Variants in METTL9 observed in about 807,000 individuals in gnomAD.
The protein encoded by METTL9 is methyltransferase 9, His-X-His N1(pi)-histidine.
In METTL9, 10 loss-of-function variants were observed where a neutral mutation model predicts 36.0. The ratio of observed to expected loss-of-function variants is 0.28; its 90% confidence interval spans 0.17 to 0.47. METTL9 has a LOEUF of 0.47. Ranked by LOEUF, METTL9 falls within the 20% of genes least tolerant of loss-of-function variation. The pLI is 0.99. For missense variants in METTL9, 246 were observed against 383.5 expected (o/e 0.64, Z 3.00); for synonymous variants, 175 against 149.7 (o/e 1.17, Z -1.23).
intron 4 of METTL9, chr16:21,641,710 T>C (rs1966275030): frequency 1.9e-6 from 1 of 530,392 alleles, no homozygotes; most frequent in African/African-American, 2.0e-5. Flanking sequence ...AGTGTCCATA[T>C]GGTAATCTTA....
chr16:21,604,176 G>A (rs1267575891), intron 1 of METTL9, among the ~76,000 whole-genome samples: 1 of 152,168 alleles, frequency 6.6e-6, no homozygotes, highest in Non-Finnish European at 1.5e-5. Context: ...TCGAGAGTCT[G>A]GAGGCCTTTG....
At chr16:21,628,012 G>T (rs1463143587) in intron 4 of METTL9, among the ~76,000 whole-genome samples, 1 of 152,042 alleles carries the variant, frequency 6.6e-6, no homozygotes, top group East Asian at 1.9e-4. Flanking sequence ...TCTTGTTCAG[G>T]TTTCTTGAAT....
At chr16:21,652,480 A>G in intron 4 of METTL9, 1 of 1,412,460 alleles carries the variant, frequency 7.1e-7, no homozygotes, top group Admixed American at 1.8e-5. Flanking sequence ...ATTAGGTGAA[A>G]AATAGCAGTT....
At chr16:21,625,230 TTAAAG>T (rs1316609547) in intron 4 of METTL9, 115 bp downstream of exon 4, 1 of 1,163,444 alleles carries the variant, frequency 8.6e-7, no homozygotes, top group South Asian at 1.3e-5. Context: ...AGCCTGCAGT[TTAAAG>T]TAATCCAGTT....
intron 4 of METTL9, among the ~76,000 whole-genome samples, chr16:21,648,073 A>G (rs906331659): frequency 2.0e-5 from 3 of 152,158 alleles, no homozygotes; most frequent in African/African-American, 7.2e-5. Context: ...AAAAGGCAAC[A>G]TGTACACCTG....
chr16:21,633,502 G>C (rs141820144), intron 4 of METTL9, among the ~76,000 whole-genome samples: 1 of 152,206 alleles, frequency 6.6e-6, no homozygotes, highest in African/African-American at 2.4e-5. Context: ...TGTGTGGTCT[G>C]TGGGATCCTC....
chr16:21,653,744 G>A (rs1407348610), intron 4 of METTL9: 1 of 152,460 alleles, frequency 6.6e-6, no homozygotes, highest in East Asian at 1.9e-4. Flanking sequence ...AGAAGGAGAA[G>A]CTCACATCCC....
chr16:21,618,749 T>C (rs1166673031), intron 3 of METTL9, among the ~76,000 whole-genome samples: 7 of 152,108 alleles, frequency 4.6e-5, no homozygotes, highest in Admixed American at 4.6e-4. Flanking sequence ...AGTCTTGCTC[T>C]GTCACCCAGG....
intron 4 of METTL9, chr16:21,640,225 A>G (rs570669467): frequency 6.6e-6 from 1 of 151,746 alleles, no homozygotes; most frequent in Non-Finnish European, 1.5e-5. Flanking sequence ...GGCGTGAGCC[A>G]CCACACCCGG....
intron 3 of METTL9, among the ~76,000 whole-genome samples, chr16:21,621,221 C>T (rs1019746086): frequency 1.3e-4 from 19 of 151,886 alleles, no homozygotes; most frequent in Non-Finnish European, 2.6e-4. Context: ...TTATGTTGAC[C>T]AGGCCAGTCT....
At chr16:21,609,661 G>GA (rs1965381416) in intron 1 of METTL9, among the ~76,000 whole-genome samples, 1 of 152,026 alleles carries the variant, frequency 6.6e-6, no homozygotes, top group South Asian at 2.1e-4. Flanking sequence ...GGGCCTTCCA[G>GA]AAAAAAGAAG....
At chr16:21,650,274 A>G (rs1966533384) in intron 4 of METTL9, among the ~76,000 whole-genome samples, 1 of 152,330 alleles carries the variant, frequency 6.6e-6, no homozygotes, top group African/African-American at 2.4e-5. Flanking sequence ...TGGGATGCCG[A>G]GGCGGGCAGA....
chr16:21,619,080 T>C (rs1357241952), intron 3 of METTL9, among the ~76,000 whole-genome samples: 1 of 152,156 alleles, frequency 6.6e-6, no homozygotes, highest in Non-Finnish European at 1.5e-5. Context: ...CAGTAGATAT[T>C]TGGGTTGTTT....
chr16:21,621,683 T>C (rs1264105331), intron 3 of METTL9, among the ~76,000 whole-genome samples: 1 of 152,146 alleles, frequency 6.6e-6, no homozygotes, highest in Non-Finnish European at 1.5e-5. Flanking sequence ...GGTTTTTCCT[T>C]TGTATTCGCA....
In METTL9 at chr16:21,655,249, A is replaced by G. The variant is rs745511100; in HGVS notation, c.774A>G (p.Pro258=). Residue 258 remains proline (P), a synonymous_variant, in exon 5 of 5, where the codon CCA becomes CCG. Transcript: ENST00000358154. ...TAGTAGGTGGCAAGTGGGAGAAACC[A>G]TCAGAAATTTTGGAAATCAAAGGAC... ...VENVGGKWEK[P]SEILEIKGQN... The G allele has an allele frequency of 1.2e-6, 2 of 1,614,082 alleles. No homozygotes were observed. The highest frequency in any genetic ancestry group is 2.2e-5 in the South Asian group (2 of 91,090).
intron 1 of METTL9, among the ~76,000 whole-genome samples, chr16:21,600,346 G>A (rs990533859): frequency 1.5e-4 from 23 of 152,130 alleles, no homozygotes; most frequent in Non-Finnish European, 2.5e-4. Flanking sequence ...TTGTTGTCTC[G>A]TTGAATCCCA....
intron 4 of METTL9, among the ~76,000 whole-genome samples, chr16:21,645,109 A>G (rs1424887843): frequency 6.6e-6 from 1 of 152,218 alleles, no homozygotes; most frequent in Non-Finnish European, 1.5e-5. Flanking sequence ...TACAAAATAC[A>G]ATTAGATTTG....
At chr16:21,616,338 G>A (rs113454229) in intron 2 of METTL9, among the ~76,000 whole-genome samples, 22 of 152,292 alleles carry the variant, frequency 1.4e-4, no homozygotes, top group East Asian at 1.2e-3. Context: ...AACCTCATTC[G>A]AACAGCAGCA....
At chr16:21,643,750 C>A (rs1966341169) in intron 4 of METTL9, 2 of 592,898 alleles carry the variant, frequency 3.4e-6, no homozygotes, top group Non-Finnish European at 5.9e-6. Context: ...GATGCTTTTA[C>A]TCCATTAAAA....
Sources: allele counts gnomAD v4.1 joint callset (sites outside exome capture counted in the v4.1 genomes callset), GRCh38; gene constraint gnomAD v4.1.1; transcripts MANE v1.5; gene names NCBI Gene and HGNC (gene_info 2026-07-23, HGNC 2026-07-21).